The following RASA1 variants were observed in gnomAD, a reference collection of about 807,000 sequenced individuals.
RASA1 encodes the protein RAS p21 protein activator 1.
Under a neutral mutation model 132.2 loss-of-function variants are expected in RASA1, and 25 were observed. The ratio of observed to expected loss-of-function variants is 0.19; its 90% CI spans 0.14 to 0.26. The LOEUF (loss-of-function observed/expected upper bound fraction) is 0.26, where lower values mean the gene tolerates loss of function less well. RASA1 is among the 10% of genes least tolerant of loss of function. RASA1 has a pLI of 1.00. For synonymous variants in RASA1, 477 were observed against 449.9 expected, an observed-to-expected ratio of 1.06 and a Z score of -0.76; for missense variants, 964 against 1,299.2, an observed-to-expected ratio of 0.74 and a Z score of 3.97.
At chr5:87,384,226 C>T (rs911066743) in intron 21 of RASA1, among the ~76,000 whole-genome samples, 8 of 152,070 alleles carry the variant, frequency 5.3e-5, no homozygotes, top group Non-Finnish European at 8.8e-5. Context: ...TGGTTCCTCC[C>T]GTTAGAGATT....
At chr5:87,317,382 C>T (rs999640653) in intron 1 of RASA1, among the ~76,000 whole-genome samples, 12 of 152,244 alleles carry the variant, frequency 7.9e-5, no homozygotes, top group South Asian at 4.1e-4. Flanking sequence ...ATCAAAATTA[C>T]ATATTTTCAA....
At chr5:87,310,043 G>A (rs990058616) in intron 1 of RASA1, among the ~76,000 whole-genome samples, 1 of 152,130 alleles carries the variant, frequency 6.6e-6, no homozygotes, top group Non-Finnish European at 1.5e-5. Context: ...AGAAGAAAGA[G>A]AGGTAATATA....
At chr5:87,372,412 A>G (rs1335666381) in intron 13 of RASA1, among the ~76,000 whole-genome samples, 1 of 152,154 alleles carries the variant, frequency 6.6e-6, no homozygotes, top group Non-Finnish European at 1.5e-5. Flanking sequence ...TTATTCTTCC[A>G]CTTTAAATAA....
intron 1 of RASA1, among the ~76,000 whole-genome samples, chr5:87,272,128 G>A (rs1753870538): frequency 6.6e-6 from 1 of 150,644 alleles, no homozygotes; most frequent in Non-Finnish European, 1.5e-5. Flanking sequence ...AGCCTGGGCA[G>A]CAAGAACGAA....
At chr5:87,385,489 T>G (rs1230245897) in intron 22 of RASA1, 100 bp downstream of exon 22, 1 of 877,898 alleles carries the variant, frequency 1.1e-6, no homozygotes, top group Non-Finnish European at 1.8e-6. Flanking sequence ...CAGTGAAATT[T>G]TTAGCGATGA....
intron 1 of RASA1, among the ~76,000 whole-genome samples, chr5:87,293,240 T>G (rs146754965): frequency 1.9e-3 from 293 of 151,688 alleles, no homozygotes; most frequent in African/African-American, 6.8e-3. Context: ...AGCTGTAGAT[T>G]TTTTGGTAGA....
At chr5:87,384,858 G>A (rs1264127056) in intron 21 of RASA1, among the ~76,000 whole-genome samples, 3 of 152,002 alleles carry the variant, frequency 2.0e-5, no homozygotes, top group Non-Finnish European at 2.9e-5. Flanking sequence ...TGCTTCTTGA[G>A]CTTTAAGCGA....
chr5:87,358,186 A>T (rs926468434), intron 9 of RASA1, among the ~76,000 whole-genome samples: 1 of 152,188 alleles, frequency 6.6e-6, no homozygotes, highest in African/African-American at 2.4e-5. Flanking sequence ...GCAGAGTCCT[A>T]GCTAGCTTTG....
At chr5:87,299,156 T>C (rs1217073409) in intron 1 of RASA1, among the ~76,000 whole-genome samples, 2 of 152,226 alleles carry the variant, frequency 1.3e-5, no homozygotes, top group East Asian at 1.9e-4. Flanking sequence ...GTCATTAATA[T>C]ACTAAACAAA....
intron 9 of RASA1, among the ~76,000 whole-genome samples, chr5:87,360,284 G>A (rs1454758627): frequency 1.3e-5 from 2 of 151,876 alleles, no homozygotes; most frequent in East Asian, 1.9e-4. Context: ...GCGCCACCAC[G>A]CCCAGCTAAT....
In RASA1 at chr5:87,376,332, CT is replaced by C. The variant is rs1761324236; in HGVS notation, c.2012-59del. 7 of 1,581,652 alleles carry C rather than the reference CT, an allele frequency of 4.4e-6. No individual in the cohort carries two copies. The South Asian group carries it at 7.9e-5, about 18-fold the overall frequency. On this transcript the variant is annotated intron_variant, in intron 15 of 24. Coordinates refer to ENST00000274376, the MANE Select transcript of RASA1 (RefSeq NM_002890.3). Reference sequence around the variant, plus strand: ...GAAGACTGAACACCAGGAAAATTTACTTGCATGACTAATTATCGTGTTCTCT... The same window carrying C: ...GAAGACTGAACACCAGGAAAATTTACTGCATGACTAATTATCGTGTTCTCT...
chr5:87,303,509 T>C (rs146215215), intron 1 of RASA1, among the ~76,000 whole-genome samples: 432 of 152,268 alleles, frequency 2.8e-3, no homozygotes, highest in Middle Eastern at 0.014. Flanking sequence ...CACAAATTGT[T>C]ATATGACCTG....
chr5:87,305,680 TC>T (rs1299048037), intron 1 of RASA1, among the ~76,000 whole-genome samples: 1 of 152,100 alleles, frequency 6.6e-6, no homozygotes, highest in African/African-American at 2.4e-5. Context: ...AAAGTAACTA[TC>T]AACAGAGTAA....
chr5:87,333,810 A>G (rs760643251), intron 4 of RASA1, among the ~76,000 whole-genome samples: 1 of 152,142 alleles, frequency 6.6e-6, no homozygotes, highest in African/African-American at 2.4e-5. Context: ...TCTATAAGCT[A>G]TTTAATTTTC....
At chr5:87,304,488 C>T (rs1375754848) in intron 1 of RASA1, among the ~76,000 whole-genome samples, 1 of 144,856 alleles carries the variant, frequency 6.9e-6, no homozygotes, top group Non-Finnish European at 1.5e-5. Flanking sequence ...TTTTTTTTGA[C>T]ATGGAGTCTC....
chr5:87,338,536 A>ATATATATATTTTT lies in RASA1; in HGVS notation c.1017+446_1017+447insATATATATTTTTT. Among the ~76,000 whole-genome samples, 90 of 85,196 alleles carry ATATATATATTTTT rather than the reference A, an allele frequency of 1.1e-3. 5 individuals are homozygous for ATATATATATTTTT. The highest frequency in any genetic ancestry group is 5.4e-3 in the Admixed American group (42 of 7,710). 55.9% of individuals were successfully genotyped at this position (85,196 alleles called of 152,430 possible). A position where few individuals can be genotyped will look rare whatever the true frequency, so the allele number is the denominator to read the frequency against. On this transcript the variant is annotated intron_variant, in intron 5 of 24. Coordinates refer to ENST00000274376, the MANE Select transcript of RASA1 (RefSeq NM_002890.3). ...ATATATATATATATATATATATAAA[A>ATATATATATTTTT]TTTTTTTTTTTTTTAAGTAGAAATG...
chr5:87,349,504 TC>T (rs1759105048), intron 8 of RASA1, 140 bp downstream of exon 8: 1 of 997,896 alleles, frequency 1.0e-6, no homozygotes, highest in Non-Finnish European at 1.5e-6. Context: ...TTCATAGTAG[TC>T]ATGCCCAAGA....
At position 87,374,143 on chromosome 5, in the gene RASA1, ATATATT is replaced by A; in HGVS notation, c.1777-18_1777-13del. On this transcript the variant is annotated splice_polypyrimidine_tract_variant and intron_variant, in intron 13 of 24. Transcript: ENST00000274376. ...TAGAAATCTGGGGTAATATATATATATATATTTTTTTTTTTTTAGGTCAGCAGCCTT... is the reference window on the plus strand; with the variant it reads ...TAGAAATCTGGGGTAATATATATATATTTTTTTTTTTAGGTCAGCAGCCTT... 3.6e-6 allele frequency: 5 copies of A among 1,379,530 alleles called. No homozygotes were observed. Among genetic ancestry groups the A allele is most frequent in the Non-Finnish European group, 3.8e-6 (4 of 1,048,854 alleles). The allele number at this position is 1,379,530 out of a possible 1,614,324, so 85.5% of individuals were successfully genotyped here. A position where few individuals can be genotyped will look rare whatever the true frequency, so the allele number is the denominator to read the frequency against.
chr5:87,307,117 G>C (rs1190919779), intron 1 of RASA1, among the ~76,000 whole-genome samples: 6 of 152,038 alleles, frequency 3.9e-5, no homozygotes, highest in African/African-American at 1.4e-4. Context: ...ATCCTCCCTC[G>C]TCAGCCTCCT....
Sources: gnomAD v4.1 joint callset for allele counts (sites outside exome capture counted in the v4.1 genomes callset) on GRCh38, gnomAD v4.1.1 for gene constraint, MANE v1.5 for transcripts, NCBI Gene and HGNC (gene_info 2026-07-23, HGNC 2026-07-21) for gene names.